The following PKP2 variants were observed in gnomAD, a reference collection of about 807,000 sequenced individuals.
PKP2 encodes plakophilin-2.
Under a neutral mutation model 83.4 loss-of-function variants are expected in PKP2, and 73 were observed. The ratio of observed to expected loss-of-function variants is 0.88; its 90% confidence interval spans 0.72 to 1.06. The LOEUF (loss-of-function observed/expected upper bound fraction) is 1.06. PKP2 is among the 50% of genes least tolerant of loss of function. PKP2 has a pLI of 0.00. For synonymous variants in PKP2, 409 were observed against 430.4 expected (o/e 0.95, Z 0.62); for missense variants, 966 against 1,065.4 (o/e 0.91, Z 1.30).
At chr12:32,868,890 G>C in intron 4 of PKP2, 37 bp downstream of exon 4, 1 of 1,602,986 alleles carries the variant, frequency 6.2e-7, no homozygotes, top group South Asian at 1.1e-5. Flanking sequence ...AAGTGAAAGT[G>C]TGTTGCGCTT....
In PKP2 at chr12:32,850,725, G is replaced by A. The variant is rs533931690; in HGVS notation, c.1378+41C>T. The A allele has an allele frequency of 4.0e-5, 59 of 1,479,960 alleles. No individual in the cohort carries two copies. The Middle Eastern group carries it at 7.2e-4, about 18-fold the overall frequency. The allele number at this position is 1,479,960 out of a possible 1,614,324, so 91.7% of individuals were successfully genotyped here. A position where few individuals can be genotyped will look rare whatever the true frequency, so the allele number is the denominator to read the frequency against. On this transcript the variant is annotated intron_variant, in intron 5 of 12. Coordinates refer to ENST00000340811, the MANE Select transcript of PKP2 (RefSeq NM_001005242.3). Reference sequence around the variant, plus strand: ...AGATGATGTAAGGCATCTGGCTGGGGTGCAAATGTGTTAGGTTCTTCAATG... The same window carrying A: ...AGATGATGTAAGGCATCTGGCTGGGATGCAAATGTGTTAGGTTCTTCAATG...
At chr12:32,841,002 T>TTG in intron 6 of PKP2, 26 bp downstream of exon 6, 1 of 1,591,786 alleles carries the variant, frequency 6.3e-7, no homozygotes, top group Admixed American at 1.7e-5. Flanking sequence ...GCATCTTCTA[T>TTG]CAGGGCAGGG....
intron 1 of PKP2, among the ~76,000 whole-genome samples, chr12:32,889,566 C>A (rs1457498669): frequency 2.0e-5 from 3 of 152,154 alleles, no homozygotes; most frequent in Non-Finnish European, 4.4e-5. Context: ...TTAGAAATAT[C>A]CTAGTTACAC....
chr12:32,823,944 A>G, intron 7 of PKP2, 101 bp downstream of exon 7: 1 of 798,378 alleles, frequency 1.3e-6, no homozygotes, highest in Non-Finnish European at 2.2e-6. Context: ...TCTTAGGCTC[A>G]GTAAATGAAT....
In PKP2 at chr12:32,836,546, G is replaced by A. The variant is rs78782731; in HGVS notation, c.1556+4482C>T. Among the ~76,000 whole-genome samples the A allele has an allele frequency of 3.3e-3, 509 of 152,236 alleles. 2 individuals carry two copies. The highest frequency in any genetic ancestry group is 0.014 in the East Asian group (75 of 5,180). On this transcript the variant is annotated intron_variant, in intron 6 of 12. Coordinates refer to ENST00000340811, the MANE Select transcript of PKP2 (RefSeq NM_001005242.3). ...GATCTCAATGTCAAGTCTAGTAAAC[G>A]GAGAAAGTTCACTGTTGTATGCACA...
intron 9 of PKP2, among the ~76,000 whole-genome samples, chr12:32,805,242 A>AT (rs1956217148): frequency 6.6e-6 from 1 of 151,094 alleles, no homozygotes; most frequent in Non-Finnish European, 1.5e-5. Flanking sequence ...ATTTTCTCCC[A>AT]TTTTGTAGGT....
At chr12:32,826,461 G>C (rs753616312) in intron 6 of PKP2, among the ~76,000 whole-genome samples, 2 of 152,066 alleles carry the variant, frequency 1.3e-5, no homozygotes, top group African/African-American at 2.4e-5. Flanking sequence ...ATGATTCAAC[G>C]TGACAGTTGA....
rs775103879 is a variant in PKP2 at position 32,822,481 on chromosome 12, T to C, written c.1825A>G (p.Arg609Gly). The change falls in exon 8 of 13, where the codon AGG becomes GGG. Residue 609 changes from arginine (R) to glycine (G), a missense_variant. By Grantham distance (125) the Arg-to-Gly change is moderately radical. Coordinates refer to ENST00000340811, the MANE Select transcript of PKP2 (RefSeq NM_001005242.3). ...TCCCAATATACCTCTTTTACTTTCCTGCTTCGACTGCCAAAACATCCAATA... is the reference window on the plus strand; with the variant it reads ...TCCCAATATACCTCTTTTACTTTCCCGCTTCGACTGCCAAAACATCCAATA... Reference protein sequence around the residue: ...KSIGCFGSRSRKVKEQYQDVP... With the variant: ...KSIGCFGSRSGKVKEQYQDVP... The C allele has an allele frequency of 6.2e-6, 10 of 1,613,960 alleles. No individual in the cohort carries two copies. In the African/African-American group the frequency reaches 1.3e-4, roughly 22 times the overall value.
intron 4 of PKP2, among the ~76,000 whole-genome samples, chr12:32,853,260 G>C (rs975258816): frequency 6.6e-6 from 1 of 151,910 alleles, no homozygotes; most frequent in Non-Finnish European, 1.5e-5. Flanking sequence ...TTCAGATCTT[G>C]GATTTTTGGA....
At chr12:32,869,998 C>T (rs1302400296) in intron 3 of PKP2, among the ~76,000 whole-genome samples, 1 of 152,148 alleles carries the variant, frequency 6.6e-6, no homozygotes, top group Non-Finnish European at 1.5e-5. Context: ...CACTGCACTC[C>T]ACCCTGAGCA....
chr12:32,858,583 A>G (rs1332590773), intron 4 of PKP2, among the ~76,000 whole-genome samples: 2 of 152,192 alleles, frequency 1.3e-5, no homozygotes, highest in Non-Finnish European at 2.9e-5. Flanking sequence ...TCTAAAATAT[A>G]GACATCGAGA....
chr12:32,867,151 AC>A (rs1357522537), intron 4 of PKP2, among the ~76,000 whole-genome samples: 1 of 152,036 alleles, frequency 6.6e-6, no homozygotes, highest in East Asian at 1.9e-4. Flanking sequence ...ACATAGTGAG[AC>A]CCCCATCTCT....
chr12:32,841,878 G>C (rs1200713755), intron 5 of PKP2, among the ~76,000 whole-genome samples: 1 of 152,228 alleles, frequency 6.6e-6, no homozygotes, highest in African/African-American at 2.4e-5. Flanking sequence ...CAGTGAAGGA[G>C]AGACAACAGC....
rs2137830279 is a variant in PKP2 at position 32,841,095 on chromosome 12, C to T, written c.1489G>A (p.Gly497Arg). 1.9e-6 allele frequency: 3 copies of T among 1,613,644 alleles called. No individual in the cohort carries two copies. The highest frequency in any genetic ancestry group is 2.5e-6 in the Non-Finnish European group (3 of 1,179,606). The change falls in exon 6 of 13, where the codon GGA becomes AGA. Residue 497 changes from glycine to arginine, a missense_variant. Transcript: ENST00000340811. Reference sequence around the variant, plus strand: ...AAACCATTTGCTTTTGGGTAGTCTCCTTCAGGCCACCCAGAAAAGGGGATG... The same window carrying T: ...AAACCATTTGCTTTTGGGTAGTCTCTTTCAGGCCACCCAGAAAAGGGGATG... ...IIIPFSGWPE[G>R]DYPKANGLLD...
chr12:32,870,365 C>G (rs971175384), intron 3 of PKP2, among the ~76,000 whole-genome samples: 1 of 151,958 alleles, frequency 6.6e-6, no homozygotes, highest in African/African-American at 2.4e-5. Context: ...AACTAATACC[C>G]CCTGCTTCTG....
intron 4 of PKP2, among the ~76,000 whole-genome samples, chr12:32,853,868 G>T (rs534891218): frequency 6.6e-6 from 1 of 152,302 alleles, no homozygotes; most frequent in Non-Finnish European, 1.5e-5. Context: ...TGGCAAAATA[G>T]CACTGTGGGA....
chr12:32,896,468 G>A, intron 1 of PKP2, 41 bp downstream of exon 1: 1 of 1,395,722 alleles, frequency 7.2e-7, no homozygotes, highest in South Asian at 1.5e-5. Context: ...GACCGGGTGT[G>A]GGGCAGGGGG....
At chr12:32,878,803 C>T (rs1956959495) in intron 2 of PKP2, 117 bp downstream of exon 2, 1 of 744,842 alleles carries the variant, frequency 1.3e-6, no homozygotes, top group Admixed American at 2.1e-5. Flanking sequence ...TCTCAAAACT[C>T]ATTTAGGAAA....
At chr12:32,822,372 A>C in intron 8 of PKP2, 95 bp downstream of exon 8, 1 of 1,036,578 alleles carries the variant, frequency 9.6e-7, no homozygotes, top group Non-Finnish European at 1.5e-6. Flanking sequence ...AATAGTGCCG[A>C]TATATACCAA....
Sources: gnomAD v4.1 joint callset for allele counts (sites outside exome capture counted in the v4.1 genomes callset) on GRCh38, gnomAD v4.1.1 for gene constraint, MANE v1.5 for transcripts, NCBI Gene and HGNC (gene_info 2026-07-23, HGNC 2026-07-21) for gene names.